VPS13D: variants seen among roughly 807,000 people sequenced by gnomAD.
VPS13D encodes intermembrane lipid transfer protein VPS13D.
Under a neutral mutation model 461.9 loss-of-function variants are expected in VPS13D, and 187 were observed. The ratio of observed to expected loss-of-function variants is 0.40; its 90% CI spans 0.36 to 0.46. The LOEUF is 0.46. Among genes scored for constraint, VPS13D ranks in the 20% least tolerant of loss-of-function variants. The pLI is 0.60. For missense variants in VPS13D, 4,711 were observed against 5,364.9 expected, an observed-to-expected ratio of 0.88 and a Z score of 3.81; for synonymous variants, 1,951 against 1,986.3, an observed-to-expected ratio of 0.98 and a Z score of 0.47.
chr1:12,486,089 A>C (rs978408127), intron 67 of VPS13D, among the ~76,000 whole-genome samples: 18 of 152,218 alleles, frequency 1.2e-4, no homozygotes, highest in Admixed American at 9.8e-4. Context: ...TCCTTTGCCC[A>C]AAAATCCAAG....
rs1292231040 is a variant in VPS13D, at chr1:12,282,671, TAAG to T, written c.4603-32_4603-30del. 1.9e-6 allele frequency: 3 copies of T among 1,555,130 alleles called. No individual in the cohort carries two copies. The South Asian group carries it at 3.6e-5, about 19-fold the overall frequency. On this transcript the variant is annotated intron_variant, in intron 20 of 69. Transcript: ENST00000620676. ...CATTACATCTACGTGCATTTAATAATAAGAGTAACTGAATTTTTCTCTTTTCAA... is the reference window on the plus strand; with the variant it reads ...CATTACATCTACGTGCATTTAATAATAGTAACTGAATTTTTCTCTTTTCAA...
chr1:12,454,127 C>T (rs932639652), intron 65 of VPS13D, among the ~76,000 whole-genome samples: 1 of 152,166 alleles, frequency 6.6e-6, no homozygotes, highest in Non-Finnish European at 1.5e-5. Flanking sequence ...ATGAATGCTT[C>T]CAGCCACATG....
rs376434282 is a variant in VPS13D at position 12,357,511 on chromosome 1, T to C, written c.9999-948T>C. Among the ~76,000 whole-genome samples the C allele has an allele frequency of 3.7e-4, 56 of 152,368 alleles. No individual in the cohort carries two copies. The East Asian group carries it at 4.6e-3, about 13-fold the overall frequency. ...AAAGCATTTCACATAGACCATCTCA[T>C]TGGATTCTTCCCACCATCCCAATGG... is the stretch of plus-strand genomic sequence containing the variant. On this transcript the variant is annotated intron_variant, in intron 49 of 69. Transcript: ENST00000620676.
intron 57 of VPS13D, among the ~76,000 whole-genome samples, chr1:12,381,936 TTC>T (rs1644282271): frequency 1.7e-5 from 2 of 120,892 alleles, no homozygotes. Context: ...CTTTCTTTCT[TTC>T]TTTCTTTCTT....
rs1640477313 is a variant in VPS13D at position 12,244,342 on chromosome 1, C to G, written c.272C>G (p.Pro91Arg). 3.1e-6 allele frequency: 5 copies of G among 1,613,984 alleles called. No homozygotes were observed. The highest frequency in any genetic ancestry group is 3.4e-6 in the Non-Finnish European group (4 of 1,180,034). Residue 91 changes from proline to arginine, a missense_variant, in exon 4 of 70, where the codon CCA becomes CGA. Coordinates refer to ENST00000620676, the MANE Select transcript of VPS13D (RefSeq NM_015378.4). The stretch of plus-strand genomic sequence containing the variant: ...TCCAGCCTTCACTTAATTGGAGCCC[C>G]AGAGAAAATACAGGATTTCAATGAT... The part of the protein sequence containing the change: ...SISSLHLIGA[P>R]EKIQDFNDEK...
intron 43 of VPS13D, among the ~76,000 whole-genome samples, chr1:12,346,133 A>T (rs1643670630): frequency 6.6e-6 from 1 of 152,162 alleles, no homozygotes; most frequent in South Asian, 2.1e-4. Flanking sequence ...ACTTGCACTT[A>T]TTTTTGGGTA....
intron 65 of VPS13D, among the ~76,000 whole-genome samples, chr1:12,442,553 T>G (rs929037725): frequency 6.6e-6 from 1 of 152,164 alleles, no homozygotes; most frequent in Non-Finnish European, 1.5e-5. Flanking sequence ...CTCAAAACTT[T>G]TGCTAAGTGA....
intron 68 of VPS13D, among the ~76,000 whole-genome samples, chr1:12,506,550 C>A (rs1347968572): frequency 6.6e-6 from 1 of 152,246 alleles, no homozygotes; most frequent in Admixed American, 6.5e-5. Flanking sequence ...ATGTTTCCCT[C>A]TCCTCTGCCA....
intron 3 of VPS13D, among the ~76,000 whole-genome samples, chr1:12,242,943 TTTTTC>T (rs746867372): frequency 3.3e-4 from 50 of 152,156 alleles, no homozygotes; most frequent in Middle Eastern, 3.4e-3. Context: ...TCCCTTTTTC[TTTTTC>T]TTTTCTTTTC....
chr1:12,249,983 T>C (rs1640683135), intron 6 of VPS13D, among the ~76,000 whole-genome samples: 1 of 152,166 alleles, frequency 6.6e-6, no homozygotes, highest in African/African-American at 2.4e-5. Flanking sequence ...AAGGCCCAGG[T>C]TGTGACCGGT....
chr1:12,473,587 T>C lies in VPS13D; in HGVS notation c.12662+13191T>C, dbSNP rs1645591110. Reference sequence around the variant, plus strand: ...GTGGGTGGTTACGTGGATTAAATTATATCATGTATATAAAGCACTCAGCCT... The same window carrying C: ...GTGGGTGGTTACGTGGATTAAATTACATCATGTATATAAAGCACTCAGCCT... On this transcript the variant is annotated intron_variant, in intron 67 of 69. Transcript: ENST00000620676. The surrounding 1 kb of genome is among the most constrained non-coding windows in gnomAD (Gnocchi z 4.2). Among the ~76,000 whole-genome samples, 3 of 152,282 alleles carry C rather than the reference T, an allele frequency of 2.0e-5. No homozygotes were observed. The South Asian group carries it at 6.2e-4, about 32-fold the overall frequency.
chr1:12,469,910 A>C (rs1645540849), intron 67 of VPS13D, among the ~76,000 whole-genome samples: 1 of 152,044 alleles, frequency 6.6e-6, no homozygotes, highest in Non-Finnish European at 1.5e-5. Context: ...CACTGCCCTG[A>C]CTCTTGCAGG....
chr1:12,384,880 C>T (rs148424992), intron 58 of VPS13D, among the ~76,000 whole-genome samples: 1 of 152,268 alleles, frequency 6.6e-6, no homozygotes. Context: ...CTTAGCCTCG[C>T]AAGTAGCTTG....
At position 12,268,822 on chromosome 1, in the gene VPS13D, C is replaced by G. The variant is rs1400067327; in HGVS notation, c.1918C>G (p.Gln640Glu). The change falls in exon 16 of 70, where the codon CAG becomes GAG. Residue 640 changes from glutamine (Q) to glutamate (E), a missense_variant. Physicochemically the swap from Gln to Glu is conservative, Grantham distance 29. Transcript: ENST00000620676. ...GCCCTTGAACATCATATACAATCCG[C>G]AGGCCATTAAAAAAGTAGCAGACTT... ...TRPLNIIYNP[Q>E]AIKKVADFFY... 1.9e-6 allele frequency: 3 copies of G among 1,613,726 alleles called. No homozygotes were observed. In the African/African-American group the frequency reaches 4.0e-5, roughly 22 times the overall value.
At chr1:12,260,533 A>T (rs532039678) in intron 10 of VPS13D, among the ~76,000 whole-genome samples, 160 bp from the exon 11 acceptor site, 29 of 152,320 alleles carry the variant, frequency 1.9e-4, no homozygotes, top group African/African-American at 6.7e-4. Flanking sequence ...AGAAACAGCA[A>T]TCATGGAACT....
intron 32 of VPS13D, among the ~76,000 whole-genome samples, chr1:12,321,004 AG>A (rs1643019941): frequency 1.3e-5 from 2 of 152,140 alleles, no homozygotes; most frequent in Admixed American, 1.3e-4. Context: ...AAGGTGGTGG[AG>A]GGGGTGAAGA....
intron 1 of VPS13D, among the ~76,000 whole-genome samples, chr1:12,233,217 G>A (rs560081576): frequency 1.1e-3 from 165 of 152,180 alleles, no homozygotes; most frequent in African/African-American, 3.6e-3. Flanking sequence ...TGTTGGCCAG[G>A]CTGGGTTTGG....
At position 12,427,691 on chromosome 1, in the gene VPS13D, C is replaced by G. The variant is rs556526416; in HGVS notation, c.12333+10864C>G. Among the ~76,000 whole-genome samples the G allele has an allele frequency of 2.8e-4, 43 of 152,262 alleles. No individual in the cohort carries two copies. In the South Asian group the frequency reaches 8.7e-3, roughly 31 times the overall value. On this transcript the variant is annotated intron_variant, in intron 65 of 69. Coordinates refer to ENST00000620676, the MANE Select transcript of VPS13D (RefSeq NM_015378.4). ...CCACACTATTTTATATCAGGGACTT[C>G]AGCGTCTGTGGATGGATGGTGTCTT...
rs955215092 is a variant in VPS13D, at chr1:12,354,149, A to G, written c.9607A>G (p.Ile3203Val). ...ELDFYVKGMP[I>V]NGTLKPGKEA... ...TGATTTTTATGTTAAAGGAATGCCAATTAATGGGACGCTGAAACCTGGCAA... is the reference window on the plus strand; with the variant it reads ...TGATTTTTATGTTAAAGGAATGCCAGTTAATGGGACGCTGAAACCTGGCAA... The change falls in exon 47 of 70, where the codon ATT becomes GTT. Residue 3203 changes from isoleucine (I) to valine (V), a missense_variant. Physicochemically the swap from Ile to Val is conservative, Grantham distance 29. Around this residue, in one of 3 missense-constraint regions of VPS13D, gnomAD observed 4,411 missense variants for 4,937.8 expected, o/e 0.89. Transcript: ENST00000620676. 6.2e-6 allele frequency: 10 copies of G among 1,614,076 alleles called. No individual in the cohort carries two copies. The highest frequency in any genetic ancestry group is 1.3e-5 in the African/African-American group (1 of 74,932).
Sources: gnomAD v4.1 joint callset for allele counts (sites outside exome capture counted in the v4.1 genomes callset) on GRCh38, gnomAD v4.1.1 for gene constraint, gnomAD v4.1.1 regional missense constraint, Gnocchi (gnomAD v3.1) non-coding constraint, MANE v1.5 for transcripts, NCBI Gene and HGNC (gene_info 2026-07-23, HGNC 2026-07-21) for gene names.